Variants in TSNARE1 observed in about 807,000 individuals in gnomAD.
TSNARE1 encodes the protein t-SNARE domain containing 1.
TSNARE1 carries 49 observed loss-of-function variants against 62.0 expected under a neutral mutation model. That is an observed-to-expected ratio of 0.79 (90% CI 0.63 to 1.00). TSNARE1 has a LOEUF of 1.00. Among genes scored for constraint, TSNARE1 ranks in the 50% least tolerant of loss-of-function variants. TSNARE1 has a pLI of 0.00. For missense variants in TSNARE1, 755 were observed against 700.1 expected (o/e 1.08, Z -0.88); for synonymous variants, 328 against 294.4 (o/e 1.11, Z -1.17).
At chr8:142,251,248 G>C (rs1302071150) in intron 12 of TSNARE1, among the ~76,000 whole-genome samples, 1 of 147,200 alleles carries the variant, frequency 6.8e-6, no homozygotes, top group Non-Finnish European at 1.5e-5. Flanking sequence ...GCACACCGCA[G>C]CCTGCCCCCC....
chr8:142,223,877 C>A (rs1816653839), intron 13 of TSNARE1, among the ~76,000 whole-genome samples: 1 of 152,214 alleles, frequency 6.6e-6, no homozygotes, highest in Admixed American at 6.5e-5. Flanking sequence ...TCTACAAGGT[C>A]CCACCAGCTC....
chr8:142,277,393 C>T (rs922844873), intron 11 of TSNARE1: 1 of 985,106 alleles, frequency 1.0e-6, no homozygotes, highest in African/African-American at 1.7e-5. Flanking sequence ...CTGTGGGAGA[C>T]CCCCCTGCAC....
chr8:142,320,829 T>C (rs1194379737), intron 6 of TSNARE1, among the ~76,000 whole-genome samples: 1 of 152,214 alleles, frequency 6.6e-6, no homozygotes, highest in Non-Finnish European at 1.5e-5. Flanking sequence ...CGCTGACCTC[T>C]CCACTCCTCT....
In TSNARE1 at chr8:142,273,822, CCT is replaced by C. The variant is rs1339671371; in HGVS notation, c.1446+957_1446+958del. On this transcript the variant is annotated intron_variant, in intron 12 of 13. Coordinates refer to ENST00000524325, the MANE Select transcript of TSNARE1 (RefSeq NM_145003.5). Reference sequence around the variant, plus strand: ...TGCGGCCCCCTTTTCCTCTTGCACCCCTGAGGCAACTGAGGACCCTCTGCGGG... The same window carrying C: ...TGCGGCCCCCTTTTCCTCTTGCACCCGAGGCAACTGAGGACCCTCTGCGGG... The C allele has an allele frequency of 1.4e-5, 14 of 985,400 alleles. No homozygotes were observed. The South Asian group carries it at 3.3e-4, about 23-fold the overall frequency. 61.0% of individuals were successfully genotyped at this position (985,400 alleles called of 1,614,324 possible). A position where few individuals can be genotyped will look rare whatever the true frequency, so the allele number is the denominator to read the frequency against.
intron 13 of TSNARE1, among the ~76,000 whole-genome samples, chr8:142,213,883 G>GC (rs1013323886): frequency 1.3e-5 from 2 of 151,968 alleles, no homozygotes; most frequent in East Asian, 1.9e-4. Flanking sequence ...TCAGAGCCCA[G>GC]CCCCCCAGGA....
At position 142,233,332 on chromosome 8, in the gene TSNARE1, C is replaced by T. The variant is rs117269539; in HGVS notation, c.1447-3753G>A. ...CTAGGACCCAAGCGGGGTTTTTGGA[C>T]GGGTGATGGTCAAGGCCGAGAAGCC... On this transcript the variant is annotated intron_variant, in intron 12 of 13. Coordinates refer to ENST00000524325, the MANE Select transcript of TSNARE1 (RefSeq NM_145003.5). Among the ~76,000 whole-genome samples the T allele has an allele frequency of 8.2e-4, 125 of 152,226 alleles. No homozygotes were observed. In the East Asian group the frequency reaches 0.023, roughly 28 times the overall value.
intron 7 of TSNARE1, among the ~76,000 whole-genome samples, chr8:142,317,618 G>A (rs1037813581): frequency 6.6e-6 from 1 of 152,192 alleles, no homozygotes; most frequent in Non-Finnish European, 1.5e-5. Context: ...TTCAGCAACT[G>A]GGCACTGACC....
rs1833540828 is a variant in TSNARE1, at chr8:142,347,590, G to A, written c.89-1698C>T. Among the ~76,000 whole-genome samples the A allele has an allele frequency of 2.0e-5, 3 of 152,130 alleles. No homozygotes were observed. In the South Asian group the frequency reaches 6.2e-4, roughly 32 times the overall value. ...GAGCTCAGCCTCTGCTCAGAAATGG[G>A]GTCCCACAGGCCCCCAGAGAGACCA... On this transcript the variant is annotated intron_variant, in intron 2 of 13. Transcript: ENST00000524325.
rs540106293 is a variant in TSNARE1, at chr8:142,247,002, G to T, written c.1447-17423C>A. ...TCTCAATGAACACACATCTGTGCCT[G>T]CCAGGTGCTGCGACCAGCTATGGCC... is the stretch of plus-strand genomic sequence containing the variant. On this transcript the variant is annotated intron_variant, in intron 12 of 13. Coordinates refer to ENST00000524325, the MANE Select transcript of TSNARE1 (RefSeq NM_145003.5). 9.9e-4 allele frequency among the ~76,000 whole-genome samples: 151 copies of T among 152,332 alleles called. 4 individuals are homozygous for T. The South Asian group carries it at 0.03, about 30-fold the overall frequency.
intron 10 of TSNARE1, among the ~76,000 whole-genome samples, chr8:142,293,592 C>T (rs1045084632): frequency 6.6e-6 from 1 of 152,332 alleles, no homozygotes; most frequent in South Asian, 2.1e-4. Flanking sequence ...GGACCAGCAC[C>T]TACTTCTCCT....
intron 4 of TSNARE1, among the ~76,000 whole-genome samples, chr8:142,339,882 T>C (rs1342028486): frequency 6.6e-6 from 1 of 152,256 alleles, no homozygotes; most frequent in Non-Finnish European, 1.5e-5. Context: ...TCTGGACAGC[T>C]GCGCCGGGGG....
At chr8:142,220,777 T>C (rs4976968) in intron 13 of TSNARE1, among the ~76,000 whole-genome samples, 136,344 of 152,240 alleles carry the variant, frequency 0.9, 61,133 homozygotes, top group Non-Finnish European at 0.92. Flanking sequence ...GCCCACCAGG[T>C]CTCAGGGTCA....
intron 1 of TSNARE1, among the ~76,000 whole-genome samples, chr8:142,368,130 G>T (rs1458212085): frequency 1.3e-5 from 2 of 151,408 alleles, no homozygotes; most frequent in African/African-American, 4.9e-5. Context: ...CTTCTGCATG[G>T]TTAAAAAAAA....
intron 4 of TSNARE1, among the ~76,000 whole-genome samples, chr8:142,334,791 G>A (rs569749471): frequency 6.6e-6 from 1 of 152,310 alleles, no homozygotes; most frequent in East Asian, 1.9e-4. Flanking sequence ...ACAATGGAAG[G>A]ATGTCTTTAA....
At chr8:142,383,463 G>A (rs1391998990) in intron 1 of TSNARE1, among the ~76,000 whole-genome samples, 1 of 152,100 alleles carries the variant, frequency 6.6e-6, no homozygotes, top group Admixed American at 6.6e-5. Context: ...CTCTGTGGGA[G>A]GCCCCAAGCA....
chr8:142,404,530 C>T (rs917792081), upstream of TSNARE1: 1 of 152,408 alleles, frequency 6.6e-6, no homozygotes, highest in Non-Finnish European at 1.5e-5. Context: ...CCGGCCTGTC[C>T]TGGGCCCACC....
chr8:142,342,292 C>T (rs965571916), intron 4 of TSNARE1, among the ~76,000 whole-genome samples: 2 of 152,250 alleles, frequency 1.3e-5, no homozygotes, highest in Non-Finnish European at 2.9e-5. Flanking sequence ...GGCCTCAGCG[C>T]CCGTGACCAG....
intron 4 of TSNARE1, among the ~76,000 whole-genome samples, chr8:142,336,104 G>A (rs1831717281): frequency 6.6e-6 from 1 of 152,044 alleles, no homozygotes; most frequent in African/African-American, 2.4e-5. Context: ...GCCACACAGT[G>A]AGATCTCTTT....
At chr8:142,277,950 C>T (rs1433202834) in intron 11 of TSNARE1, 20 of 985,298 alleles carry the variant, frequency 2.0e-5, no homozygotes, top group Non-Finnish European at 2.4e-5. Context: ...CCATGAAGCA[C>T]CCCCAAACCA....
Sources: gnomAD v4.1 joint callset for allele counts (sites outside exome capture counted in the v4.1 genomes callset) on GRCh38, gnomAD v4.1.1 for gene constraint, MANE v1.5 for transcripts, NCBI Gene and HGNC (gene_info 2026-07-23, HGNC 2026-07-21) for gene names.